Variants in SH3BP4 observed in about 807,000 individuals in gnomAD.
SH3BP4 encodes SH3 domain binding protein 4.
A neutral mutation model predicts 65.5 loss-of-function variants in SH3BP4; 33 were observed. That is an observed-to-expected ratio of 0.50 (90% CI 0.38 to 0.67). The LOEUF is 0.67. Ranked by LOEUF, SH3BP4 falls within the 30% of genes least tolerant of loss-of-function variation. The pLI is 0.00. For missense variants in SH3BP4, 1,134 were observed against 1,261.4 expected (o/e 0.90, Z 1.53); for synonymous variants, 552 against 545.5 (o/e 1.01, Z -0.17).
intron 3 of SH3BP4, among the ~76,000 whole-genome samples, chr2:235,038,249 T>TATATAATATATAG (rs766333800): frequency 0.099 from 3,366 of 34,148 alleles, 579 homozygotes; most frequent in East Asian, 0.58. Flanking sequence ...TATATATATA[T>TATATAATATATAG]TATATATAAT....
intron 2 of SH3BP4, among the ~76,000 whole-genome samples, chr2:235,003,607 A>G (rs1694200499): frequency 6.6e-6 from 1 of 152,190 alleles, no homozygotes; most frequent in African/African-American, 2.4e-5. Context: ...GAACAGTTGC[A>G]TGGCTCTGCT....
Position 235,052,818 on chromosome 2 carries a change from G to A in SH3BP4, c.2667+68G>A. On this transcript the variant is annotated intron_variant, in intron 5 of 5. Transcript: ENST00000392011. The surrounding 1 kb of genome is among the most constrained non-coding windows in gnomAD (Gnocchi z 5.0). ...CCTGGGTTCCGTGGACCCATGCAGT[G>A]CAGCCATAAAAAGTCTTGCCTCGCG... 1.4e-6 allele frequency: 2 copies of A among 1,419,274 alleles called. No homozygotes were observed. The highest frequency in any genetic ancestry group is 1.9e-6 in the Non-Finnish European group (2 of 1,061,764). 87.9% of individuals were successfully genotyped at this position (1,419,274 alleles called of 1,614,324 possible). A position where few individuals can be genotyped will look rare whatever the true frequency, so the allele number is the denominator to read the frequency against.
rs146236903 is a variant in SH3BP4, at chr2:235,055,495, A to G, written c.*1679A>G. On this transcript the variant is annotated 3_prime_UTR_variant, in exon 6 of 6. Coordinates refer to ENST00000392011, the MANE Select transcript of SH3BP4 (RefSeq NM_014521.3). The stretch of plus-strand genomic sequence containing the variant: ...CCATAATTTCTCCCAGAGACCATCT[A>G]TCACCTTTTCCCCAAAGAAGAAACA... The G allele has an allele frequency of 1.4e-4, 22 of 152,742 alleles. No homozygotes were observed. In the East Asian group the frequency reaches 2.7e-3, roughly 19 times the overall value. The allele number at this position is 152,742 out of a possible 1,614,324, so 9.5% of individuals were successfully genotyped here.
In SH3BP4 at chr2:234,975,808, T is replaced by A. The variant is rs558528967; in HGVS notation, c.-206-19495T>A. 1.4e-3 allele frequency among the ~76,000 whole-genome samples: 218 copies of A among 152,112 alleles called. 2 individuals carry two copies. Among genetic ancestry groups the A allele is most frequent in the African/African-American group, 5.2e-3 (216 of 41,484 alleles). ...TGAAGATCACCTGAGCCCAGGAGAT[T>A]GAGGCTGCAGTGAGCTGCAGTCATG... On this transcript the variant is annotated intron_variant, in intron 1 of 5. Transcript: ENST00000392011.
rs1695881106 is a variant in SH3BP4 at position 235,046,955 on chromosome 2, C to T, written c.2478+3708C>T. Among the ~76,000 whole-genome samples, 1 of 152,206 alleles carries T rather than the reference C, an allele frequency of 6.6e-6. No individual in the cohort carries two copies. The highest frequency in any genetic ancestry group is 2.4e-5 in the African/African-American group (1 of 41,446). Reference sequence around the variant, plus strand: ...TCCCAGCAGCATGGCTGTGGCTGCACTCAGAGCACCCCTCTGTCCTGGCCA... The same window carrying T: ...TCCCAGCAGCATGGCTGTGGCTGCATTCAGAGCACCCCTCTGTCCTGGCCA... On this transcript the variant is annotated intron_variant, in intron 4 of 5. Transcript: ENST00000392011. The surrounding 1 kb of genome is among the most constrained non-coding windows in gnomAD (Gnocchi z 4.2).
intron 2 of SH3BP4, among the ~76,000 whole-genome samples, chr2:235,006,021 C>T (rs1000990760): frequency 8.5e-5 from 13 of 152,240 alleles, no homozygotes; most frequent in African/African-American, 3.1e-4. Flanking sequence ...CGGCCCAGCC[C>T]CTGCAGCTGT....
chr2:234,959,232 G>A (rs559382614), intron 1 of SH3BP4, among the ~76,000 whole-genome samples: 1 of 152,296 alleles, frequency 6.6e-6, no homozygotes, highest in East Asian at 1.9e-4. Context: ...CTGCACCTGG[G>A]TCTGCCTGTG....
At chr2:234,964,401 C>G (rs544419324) in intron 1 of SH3BP4, among the ~76,000 whole-genome samples, 103 of 152,318 alleles carry the variant, frequency 6.8e-4, no homozygotes, top group Admixed American at 4.6e-4. Flanking sequence ...CTGAGCCCCT[C>G]TGCATTCCGG....
intron 1 of SH3BP4, among the ~76,000 whole-genome samples, chr2:234,955,825 T>C (rs929103186): frequency 2.6e-5 from 4 of 152,214 alleles, no homozygotes; most frequent in Admixed American, 6.5e-5. Context: ...TTTTGAATCC[T>C]CACGAAAACT....
chr2:235,011,148 TCCCTCTCCTAGGAGAACCCTTC>T, intron 2 of SH3BP4, among the ~76,000 whole-genome samples: 1 of 132,672 alleles, frequency 7.5e-6, no homozygotes, highest in African/African-American at 3.6e-5. Context: ...GAACCCTTCC[TCCCTCTCCTAGGAGAACCCTTC>T]CTCCCTCTCC....
intron 1 of SH3BP4, among the ~76,000 whole-genome samples, chr2:234,956,803 C>G (rs536266879): frequency 6.6e-6 from 1 of 151,968 alleles, no homozygotes. Flanking sequence ...AAGTGATCCT[C>G]CAGCCTTGGT....
At chr2:235,000,724 C>T (rs1694072228) in intron 2 of SH3BP4, among the ~76,000 whole-genome samples, 1 of 152,222 alleles carries the variant, frequency 6.6e-6, no homozygotes, top group Non-Finnish European at 1.5e-5. Context: ...TCACAGAGCC[C>T]AGCCTCGCAT....
Position 235,046,408 on chromosome 2 carries a change from T to C in SH3BP4, c.2478+3161T>C, listed in dbSNP as rs977457612. ...ACATAGTGAGGCTTCATCTCTCCAA[T>C]TTTTTTTTTTTAAATCAGCCAGGTG... On this transcript the variant is annotated intron_variant, in intron 4 of 5. Coordinates refer to ENST00000392011, the MANE Select transcript of SH3BP4 (RefSeq NM_014521.3). The surrounding 1 kb of genome is among the most constrained non-coding windows in gnomAD (Gnocchi z 4.2). Among the ~76,000 whole-genome samples the C allele has an allele frequency of 6.9e-6, 1 of 144,690 alleles. No homozygotes were observed. Among genetic ancestry groups the C allele is most frequent in the African/African-American group, 2.6e-5 (1 of 38,744 alleles). 94.9% of individuals were successfully genotyped at this position (144,690 alleles called of 152,430 possible). A position where few individuals can be genotyped will look rare whatever the true frequency, so the allele number is the denominator to read the frequency against.
chr2:234,992,072 C>T lies in SH3BP4; in HGVS notation c.-206-3231C>T, dbSNP rs76136377. On this transcript the variant is annotated intron_variant, in intron 1 of 5. Transcript: ENST00000392011. ...CTGCCAGAAGGAAAGCTCCAGAGGG[C>T]TTGCAGGGCCCTTATCCAAAAATGT... 6.5e-3 allele frequency among the ~76,000 whole-genome samples: 990 copies of T among 152,376 alleles called. 19 individuals are homozygous for T. The highest frequency in any genetic ancestry group is 0.022 in the African/African-American group (929 of 41,598).
chr2:235,052,503 G>A lies in SH3BP4; in HGVS notation c.2479-59G>A. 1 of 1,372,284 alleles carries A rather than the reference G, an allele frequency of 7.3e-7. No homozygotes were observed. Among genetic ancestry groups the A allele is most frequent in the Non-Finnish European group, 9.8e-7 (1 of 1,025,378 alleles). 85.0% of individuals were successfully genotyped at this position (1,372,284 alleles called of 1,614,324 possible). The stretch of plus-strand genomic sequence containing the variant: ...TGCGCCGTCTGCTGGAATTCTGCGG[G>A]GAGCAGAGCCTGCCCCACTCCCTAC... On this transcript the variant is annotated intron_variant, in intron 4 of 5. Coordinates refer to ENST00000392011, the MANE Select transcript of SH3BP4 (RefSeq NM_014521.3). The surrounding 1 kb of genome is among the most constrained non-coding windows in gnomAD (Gnocchi z 5.0).
chr2:234,990,426 T>C (rs544852268), intron 1 of SH3BP4, among the ~76,000 whole-genome samples: 1 of 152,378 alleles, frequency 6.6e-6, no homozygotes, highest in South Asian at 2.1e-4. Flanking sequence ...TAACATTGCT[T>C]CACCTCAACC....
Position 235,043,099 on chromosome 2 carries a change from G to T in SH3BP4, c.2330G>T (p.Gly777Val), listed in dbSNP as rs1188313985. 6.2e-7 allele frequency: 1 copy of T among 1,613,554 alleles called. No individual in the cohort carries two copies. Among genetic ancestry groups the T allele is most frequent in the African/African-American group, 1.3e-5 (1 of 74,944 alleles). ...TGGCGCTCCTTCGCTGACGCCCTGG[G>T]CTACGTGAACCTGCCGCTCACCTTT... ...SSWRSFADAL[G>V]YVNLPLTFFC... Residue 777 changes from glycine (G) to valine (V), a missense_variant, in exon 4 of 6, where the codon GGC becomes GTC. Gly to Val is a moderately radical substitution (Grantham distance 109). Coordinates refer to ENST00000392011, the MANE Select transcript of SH3BP4 (RefSeq NM_014521.3).
chr2:234,956,923 G>C (rs2106237920), intron 1 of SH3BP4, among the ~76,000 whole-genome samples: 1 of 152,284 alleles, frequency 6.6e-6, no homozygotes, highest in Admixed American at 6.5e-5. Flanking sequence ...AGGTCCCTGA[G>C]CTCATAGTGT....
chr2:235,047,996 G>T (rs80109639), intron 4 of SH3BP4, among the ~76,000 whole-genome samples: 2,631 of 152,258 alleles, frequency 0.017, 71 homozygotes, highest in African/African-American at 0.06. Context: ...AAGGAAGCTA[G>T]CAAGTGCATG....
Sources: gnomAD v4.1 joint callset for allele counts (sites outside exome capture counted in the v4.1 genomes callset) on GRCh38, gnomAD v4.1.1 for gene constraint, Gnocchi (gnomAD v3.1) non-coding constraint, MANE v1.5 for transcripts, NCBI Gene and HGNC (gene_info 2026-07-23, HGNC 2026-07-21) for gene names.